The following ANGPT1 variants were observed in gnomAD, a reference collection of about 807,000 sequenced individuals.
ANGPT1 encodes angiopoietin 1.
Under a neutral mutation model 62.2 loss-of-function variants are expected in ANGPT1, and 17 were observed. The ratio of observed to expected loss-of-function variants is 0.27; its 90% CI spans 0.19 to 0.41. The LOEUF (loss-of-function observed/expected upper bound fraction) is 0.41, where lower values mean the gene tolerates loss of function less well. Ranked by LOEUF, ANGPT1 falls within the 10% of genes least tolerant of loss-of-function variation. The pLI, the probability that ANGPT1 is intolerant of heterozygous loss-of-function variation, is 1.00. For missense variants in ANGPT1, 478 were observed against 594.9 expected (o/e 0.80, Z 2.04); for synonymous variants, 199 against 198.9 (o/e 1.00, Z 0.00).
At chr8:107,404,694 T>C (rs1817113437) in intron 1 of ANGPT1, among the ~76,000 whole-genome samples, 1 of 152,082 alleles carries the variant, frequency 6.6e-6, no homozygotes, top group Non-Finnish European at 1.5e-5. Context: ...GGTAGATGTG[T>C]TTGTAGAATC....
chr8:107,389,089 G>A (rs1220417329), intron 1 of ANGPT1, among the ~76,000 whole-genome samples: 2 of 152,078 alleles, frequency 1.3e-5, no homozygotes. Context: ...TAGCCATGAT[G>A]ACCCAGTACT....
intron 1 of ANGPT1, among the ~76,000 whole-genome samples, chr8:107,348,187 G>A (rs965204792): frequency 1.1e-4 from 16 of 152,126 alleles, no homozygotes; most frequent in Non-Finnish European, 2.4e-4. Flanking sequence ...TCAACCACTT[G>A]ATAGCTATGA....
chr8:107,293,878 T>G (rs1188345537), intron 6 of ANGPT1, 58 bp downstream of exon 6: 7 of 1,345,818 alleles, frequency 5.2e-6, no homozygotes, highest in Non-Finnish European at 5.3e-6. Flanking sequence ...TCATATAGTA[T>G]GGAGAAGATA....
chr8:107,452,784 C>T (rs919121332), intron 1 of ANGPT1, among the ~76,000 whole-genome samples: 3 of 151,902 alleles, frequency 2.0e-5, no homozygotes, highest in Non-Finnish European at 4.4e-5. Context: ...TTTTATTTGC[C>T]AGGTGTTTCT....
chr8:107,446,226 T>C (rs1297666949), intron 1 of ANGPT1, among the ~76,000 whole-genome samples: 1 of 152,184 alleles, frequency 6.6e-6, no homozygotes, highest in African/African-American at 2.4e-5. Flanking sequence ...CAATAGTGTA[T>C]ATTATTTAAC....
At chr8:107,315,053 C>A (rs1158363366) in intron 4 of ANGPT1, among the ~76,000 whole-genome samples, 1 of 152,146 alleles carries the variant, frequency 6.6e-6, no homozygotes, top group Non-Finnish European at 1.5e-5. Context: ...CTCCTCAGCA[C>A]TGAGAAGAAA....
rs533824165 is a variant in ANGPT1, at chr8:107,473,193, C to T, written c.297+24069G>A. On this transcript the variant is annotated intron_variant, in intron 1 of 8. Transcript: ENST00000517746. ...TGATGTAACAAAACCATTATTCTTT[C>T]TCAGCAAACATGGAATTTCTGTTTT... 1.1e-4 allele frequency among the ~76,000 whole-genome samples: 16 copies of T among 152,150 alleles called. No homozygotes were observed. In the South Asian group the frequency reaches 1.7e-3, roughly 16 times the overall value.
At chr8:107,413,441 G>A (rs1415131567) in intron 1 of ANGPT1, among the ~76,000 whole-genome samples, 1 of 151,976 alleles carries the variant, frequency 6.6e-6, no homozygotes, top group Non-Finnish European at 1.5e-5. Context: ...ATACTGTTGG[G>A]ACTGTAGTGA....
intron 5 of ANGPT1, chr8:107,294,738 T>C (rs1030243439): frequency 7.9e-5 from 12 of 152,206 alleles, no homozygotes; most frequent in African/African-American, 2.9e-4. Flanking sequence ...CAAAGACTTA[T>C]GCATATTTTA....
intron 3 of ANGPT1, among the ~76,000 whole-genome samples, chr8:107,335,705 T>C (rs1815542500): frequency 6.6e-6 from 1 of 152,206 alleles, no homozygotes; most frequent in Non-Finnish European, 1.5e-5. Context: ...TCCTTCTCTC[T>C]AGTGCTATAT....
At chr8:107,293,302 C>T (rs1456767709) in intron 6 of ANGPT1, among the ~76,000 whole-genome samples, 1 of 152,084 alleles carries the variant, frequency 6.6e-6, no homozygotes, top group Non-Finnish European at 1.5e-5. Context: ...GTGTACTCCT[C>T]GTGCCTTAAA....
rs562912639 is a variant in ANGPT1 at position 107,320,804 on chromosome 8, T to C, written c.808+1092A>G. 7.2e-5 allele frequency among the ~76,000 whole-genome samples: 11 copies of C among 152,234 alleles called. No individual in the cohort carries two copies. In the South Asian group the frequency reaches 2.3e-3, roughly 32 times the overall value. ...ATGTCTTTAAAACAAAATCACTTAA[T>C]ATGGAGTTATCTTCCCTATTCATAA... On this transcript the variant is annotated intron_variant, in intron 4 of 8. Coordinates refer to ENST00000517746, the MANE Select transcript of ANGPT1 (RefSeq NM_001146.5).
At chr8:107,342,313 G>A (rs538232044) in intron 2 of ANGPT1, among the ~76,000 whole-genome samples, 69 of 152,286 alleles carry the variant, frequency 4.5e-4, no homozygotes, top group African/African-American at 1.5e-3. Context: ...TATTTATTGA[G>A]AGCCTATGCA....
intron 1 of ANGPT1, among the ~76,000 whole-genome samples, chr8:107,441,453 C>T (rs996768021): frequency 1.3e-5 from 2 of 152,148 alleles, no homozygotes; most frequent in African/African-American, 4.8e-5. Context: ...CACTAAGTCT[C>T]TTGCTCTACT....
At chr8:107,268,172 A>G (rs1813658094) in intron 7 of ANGPT1, among the ~76,000 whole-genome samples, 1 of 152,138 alleles carries the variant, frequency 6.6e-6, no homozygotes. Flanking sequence ...GAAAGGCCTC[A>G]ATGTTCATTG....
chr8:107,281,661 C>T (rs1236943616), intron 7 of ANGPT1, among the ~76,000 whole-genome samples: 1 of 152,004 alleles, frequency 6.6e-6, no homozygotes, highest in Non-Finnish European at 1.5e-5. Flanking sequence ...ACCTGTAGTC[C>T]CAGCTACTAG....
intron 8 of ANGPT1, among the ~76,000 whole-genome samples, chr8:107,259,063 T>C (rs574708471): frequency 2.6e-5 from 4 of 152,274 alleles, no homozygotes; most frequent in Non-Finnish European, 5.9e-5. Flanking sequence ...TTGTGTAGAA[T>C]AGGCTTACGT....
chr8:107,357,840 G>C (rs532422039), intron 1 of ANGPT1, among the ~76,000 whole-genome samples: 2 of 152,170 alleles, frequency 1.3e-5, no homozygotes, highest in Non-Finnish European at 2.9e-5. Context: ...TTTTACTCTG[G>C]TATTTTGTAT....
intron 4 of ANGPT1, among the ~76,000 whole-genome samples, chr8:107,314,887 G>T (rs1814978702): frequency 6.6e-6 from 1 of 152,140 alleles, no homozygotes; most frequent in Non-Finnish European, 1.5e-5. Context: ...CCCATCACTT[G>T]TGATGTTTTT....
Sources: allele counts gnomAD v4.1 joint callset (sites outside exome capture counted in the v4.1 genomes callset), GRCh38; gene constraint gnomAD v4.1.1; transcripts MANE v1.5; gene names NCBI Gene and HGNC (gene_info 2026-07-23, HGNC 2026-07-21).